PDXK: variants seen among roughly 807,000 people sequenced by gnomAD.
The protein encoded by PDXK is epididymis secretory sperm binding protein Li 1a.
In PDXK, 15 loss-of-function variants were observed where a neutral mutation model predicts 43.2. That is an observed-to-expected ratio of 0.35 (90% confidence interval 0.23 to 0.53). The LOEUF (loss-of-function observed/expected upper bound fraction) is 0.53. Ranked by LOEUF, PDXK falls within the 20% of genes least tolerant of loss-of-function variation. The probability of loss-of-function intolerance (pLI) is 0.92; values close to 1 mark genes in which losing one functional copy is unlikely to be tolerated. For synonymous variants in PDXK, 172 were observed against 165.4 expected, an observed-to-expected ratio of 1.04 and a Z score of -0.31; for missense variants, 343 against 417.0, an observed-to-expected ratio of 0.82 and a Z score of 1.54.
At chr21:43,727,255 G>A (rs1188039850) in intron 1 of PDXK, among the ~76,000 whole-genome samples, 1 of 152,316 alleles carries the variant, frequency 6.6e-6, no homozygotes, top group African/African-American at 2.4e-5. Flanking sequence ...AGTGAGTGAC[G>A]CTGAGGAATA....
Position 43,734,733 on chromosome 21 carries a change from G to A in PDXK, c.142+610G>A, listed in dbSNP as rs926655146. ...GCCTCAGAAGCCCCTCACAGGCCATGCTTTCCATGCCCCCAGCCCCATGGC... is the reference window on the plus strand; with the variant it reads ...GCCTCAGAAGCCCCTCACAGGCCATACTTTCCATGCCCCCAGCCCCATGGC... On this transcript the variant is annotated intron_variant, in intron 2 of 10. Coordinates refer to ENST00000291565, the MANE Select transcript of PDXK (RefSeq NM_003681.5). The surrounding 1 kb of genome is among the most constrained non-coding windows in gnomAD (Gnocchi z 5.0). Among the ~76,000 whole-genome samples the A allele has an allele frequency of 4.6e-5, 7 of 152,144 alleles. No individual in the cohort carries two copies. The highest frequency in any genetic ancestry group is 8.8e-5 in the Non-Finnish European group (6 of 68,032).
chr21:43,719,731 A>G (rs1437278691), intron 1 of PDXK: 2 of 985,276 alleles, frequency 2.0e-6, no homozygotes, highest in Non-Finnish European at 2.4e-6. Context: ...CGGCTCCCGG[A>G]GGCGAGGAAA....
In PDXK at chr21:43,735,223, T is replaced by G. The variant is rs1470778249; in HGVS notation, c.142+1100T>G. On this transcript the variant is annotated intron_variant, in intron 2 of 10. Transcript: ENST00000291565. The surrounding 1 kb of genome is among the most constrained non-coding windows in gnomAD (Gnocchi z 5.3). ...CTCCAGGAGCCTCCCTGAACCCACA[T>G]GTCCTTCCTGGCTGCTCTCGCCATC... Among the ~76,000 whole-genome samples the G allele has an allele frequency of 3.9e-5, 6 of 152,242 alleles. No homozygotes were observed. The highest frequency in any genetic ancestry group is 7.3e-5 in the Non-Finnish European group (5 of 68,036).
chr21:43,751,880 C>T (rs1452706838), intron 7 of PDXK, among the ~76,000 whole-genome samples: 2 of 152,234 alleles, frequency 1.3e-5, no homozygotes, highest in East Asian at 1.9e-4. Flanking sequence ...AGCAGGAGTC[C>T]ATGTGCTTTG....
intron 1 of PDXK, among the ~76,000 whole-genome samples, chr21:43,727,109 G>A (rs1470277357): frequency 6.6e-6 from 1 of 152,212 alleles, no homozygotes; most frequent in African/African-American, 2.4e-5. Context: ...TGGAAAGGGA[G>A]GGGCGGATCC....
intron 4 of PDXK, chr21:43,744,399 G>T (rs920750972): frequency 1.2e-5 from 2 of 160,572 alleles, no homozygotes; most frequent in Admixed American, 1.2e-4. Context: ...TGGGGCACAG[G>T]TCTCCCGGGT....
At chr21:43,720,760 G>T (rs994004956) in intron 1 of PDXK, among the ~76,000 whole-genome samples, 1 of 152,314 alleles carries the variant, frequency 6.6e-6, no homozygotes, top group African/African-American at 2.4e-5. Context: ...AAGGTGCAGG[G>T]TGCCTGAAGC....
At position 43,732,011 on chromosome 21, in the gene PDXK, TGGA is replaced by T. The variant is rs1178926564; in HGVS notation, c.88-2055_88-2053del. On this transcript the variant is annotated intron_variant, in intron 1 of 10. Coordinates refer to ENST00000291565, the MANE Select transcript of PDXK (RefSeq NM_003681.5). The surrounding 1 kb of genome is among the most constrained non-coding windows in gnomAD (Gnocchi z 4.1). ...GGCATGCGATGAGGAATTCTGCTGG[TGGA>T]GGGAAAGCCACAAAGTGGATTCCGC... 2 of 359,640 alleles carry T rather than the reference TGGA, an allele frequency of 5.6e-6. No homozygotes were observed. Among genetic ancestry groups the T allele is most frequent in the Non-Finnish European group, 8.5e-6 (2 of 235,822 alleles). 22.3% of individuals were successfully genotyped at this position (359,640 alleles called of 1,614,324 possible). A position where few individuals can be genotyped will look rare whatever the true frequency, so the allele number is the denominator to read the frequency against.
intron 3 of PDXK, among the ~76,000 whole-genome samples, chr21:43,742,416 A>G (rs1353647418): frequency 2.6e-5 from 4 of 152,078 alleles, no homozygotes; most frequent in South Asian, 2.1e-4. Context: ...TCCTAGGCTC[A>G]AGCCAGCCAC....
In PDXK at chr21:43,760,787, A is replaced by C. The variant is rs1368080061; in HGVS notation, c.*4724A>C. On this transcript the variant is annotated 3_prime_UTR_variant, in exon 11 of 11. Transcript: ENST00000291565. The stretch of plus-strand genomic sequence containing the variant: ...GCATCGTGGCGTGACAGCTGTGTCC[A>C]AGCCACTGCCCGGGCATCCCATCAC... 6.6e-6 allele frequency: 1 copy of C among 152,184 alleles called. No individual in the cohort carries two copies. Among genetic ancestry groups the C allele is most frequent in the East Asian group, 1.9e-4 (1 of 5,184 alleles). 9.4% of individuals were successfully genotyped at this position (152,184 alleles called of 1,614,324 possible).
chr21:43,733,990 C>T, intron 1 of PDXK, 79 bp from the exon 2 acceptor site: 2 of 1,424,956 alleles, frequency 1.4e-6, no homozygotes, highest in South Asian at 1.1e-5. Context: ...CTCCCCTCTT[C>T]TGAGTCAGCA....
chr21:43,732,557 T>A lies in PDXK; in HGVS notation c.88-1512T>A, dbSNP rs1375431033. ...TTTGCCAGCCCCAAAGGATTAATTA[T>A]CTACACACCCAGAAGCAGTGGAGCA... On this transcript the variant is annotated intron_variant, in intron 1 of 10. Transcript: ENST00000291565. This position sits in a 1 kb window ranked among gnomAD's most constrained non-coding sequence, Gnocchi z 4.1. The A allele has an allele frequency of 1.0e-6, 1 of 955,812 alleles. No homozygotes were observed. The highest frequency in any genetic ancestry group is 1.7e-5 in the Admixed American group (1 of 59,240). The allele number at this position is 955,812 out of a possible 1,614,324, so 59.2% of individuals were successfully genotyped here. A position where few individuals can be genotyped will look rare whatever the true frequency, so the allele number is the denominator to read the frequency against.
Position 43,723,912 on chromosome 21 carries a change from G to A in PDXK, c.87+4531G>A. 1 of 152,268 alleles carries A rather than the reference G, an allele frequency of 6.6e-6. No homozygotes were observed. Among genetic ancestry groups the A allele is most frequent in the Non-Finnish European group, 1.5e-5 (1 of 68,068 alleles). 9.4% of individuals were successfully genotyped at this position (152,268 alleles called of 1,614,324 possible). A position where few individuals can be genotyped will look rare whatever the true frequency, so the allele number is the denominator to read the frequency against. ...CCACAGTGCAGGTGCGCTTTCACAGGGCCGCTCCTAGGGAGGAGGTTGTGG... is the reference window on the plus strand; with the variant it reads ...CCACAGTGCAGGTGCGCTTTCACAGAGCCGCTCCTAGGGAGGAGGTTGTGG... On this transcript the variant is annotated intron_variant, in intron 1 of 10. Transcript: ENST00000291565. The surrounding 1 kb of genome is among the most constrained non-coding windows in gnomAD (Gnocchi z 4.1).
chr21:43,751,303 C>A (rs1387416262), intron 7 of PDXK, among the ~76,000 whole-genome samples: 1 of 152,174 alleles, frequency 6.6e-6, no homozygotes, highest in Non-Finnish European at 1.5e-5. Context: ...AATCCCAGCA[C>A]TTTGGGAGAC....
chr21:43,740,657 G>C (rs938979615), intron 2 of PDXK, among the ~76,000 whole-genome samples: 3 of 151,908 alleles, frequency 2.0e-5, no homozygotes, highest in African/African-American at 7.2e-5. Flanking sequence ...GCAGGAAGCC[G>C]ACGCGTCTGT....
rs1194877795 is a variant in PDXK, at chr21:43,737,975, G to C, written c.143-3692G>C. ...CAAGAGGTGCAAGACCATGCCCTCT[G>C]TTTCGATAGGAAGCTGGGCCTCAGA... On this transcript the variant is annotated intron_variant, in intron 2 of 10. Transcript: ENST00000291565. The surrounding 1 kb of genome is among the most constrained non-coding windows in gnomAD (Gnocchi z 4.8). The C allele has an allele frequency of 1.0e-6, 1 of 985,386 alleles. No homozygotes were observed. The highest frequency in any genetic ancestry group is 1.7e-5 in the African/African-American group (1 of 57,250). The allele number at this position is 985,386 out of a possible 1,614,324, so 61.0% of individuals were successfully genotyped here. A position where few individuals can be genotyped will look rare whatever the true frequency, so the allele number is the denominator to read the frequency against.
Position 43,743,707 on chromosome 21 carries a change from G to T in PDXK, c.248-17G>T. ...GTCTCCTGTTTTCTGAGGGTGACCT[G>T]GATTCTCCCCCTAAAGGTTATACGA... On this transcript the variant is annotated splice_polypyrimidine_tract_variant and intron_variant, in intron 3 of 10. Coordinates refer to ENST00000291565, the MANE Select transcript of PDXK (RefSeq NM_003681.5). 1 of 1,579,298 alleles carries T rather than the reference G, an allele frequency of 6.3e-7. No homozygotes were observed. Among genetic ancestry groups the T allele is most frequent in the South Asian group, 1.1e-5 (1 of 90,386 alleles).
chr21:43,738,058 T>C, intron 2 of PDXK: 3 of 985,040 alleles, frequency 3.0e-6, no homozygotes, highest in Non-Finnish European at 3.6e-6. Flanking sequence ...CCCTTCCTCA[T>C]GGCTGTTATG....
intron 6 of PDXK, among the ~76,000 whole-genome samples, 157 bp from the exon 7 acceptor site, chr21:43,750,343 T>C (rs771234911): frequency 1.3e-5 from 2 of 152,254 alleles, no homozygotes; most frequent in Non-Finnish European, 2.9e-5. Flanking sequence ...CCCCACATGT[T>C]GCAGGGGCCC....
Sources: allele counts gnomAD v4.1 joint callset (sites outside exome capture counted in the v4.1 genomes callset), GRCh38; gene constraint gnomAD v4.1.1; non-coding constraint Gnocchi (gnomAD v3.1); transcripts MANE v1.5; gene names NCBI Gene and HGNC (gene_info 2026-07-23, HGNC 2026-07-21).